SCHIP1: variants seen among roughly 807,000 people sequenced by gnomAD.
SCHIP1 encodes the protein schwannomin-interacting protein 1.
Under a neutral mutation model 29.7 loss-of-function variants are expected in SCHIP1, and 8 were observed. The observed-to-expected ratio is 0.27, with a 90% confidence interval of 0.16 to 0.49. The LOEUF (loss-of-function observed/expected upper bound fraction) is 0.49, where lower values mean the gene tolerates loss of function less well. Ranked by LOEUF, SCHIP1 falls within the 20% of genes least tolerant of loss-of-function variation. SCHIP1 has a pLI of 0.99. For synonymous variants in SCHIP1, 76 were observed against 94.9 expected (o/e 0.80, Z 1.16); for missense variants, 193 against 294.6 (o/e 0.66, Z 2.52).
the SCHIP1 span, among the ~76,000 whole-genome samples, chr3:159,631,468 A>G: frequency 0.011 from 1,713 of 152,356 alleles, 16 homozygotes; most frequent in Non-Finnish European, 0.018. Flanking sequence ...AAGTAAATAC[A>G]TACAATAAAA....
the SCHIP1 span, among the ~76,000 whole-genome samples, chr3:159,452,842 T>C: frequency 1.3e-5 from 2 of 151,464 alleles, no homozygotes; most frequent in South Asian, 2.1e-4. Context: ...ATTTCTTTTA[T>C]AACAGATCTT....
the SCHIP1 span, among the ~76,000 whole-genome samples, chr3:159,428,782 A>T: frequency 1.3e-5 from 2 of 152,186 alleles, no homozygotes; most frequent in East Asian, 3.9e-4. Context: ...AATAGCAAAG[A>T]CTTGGAACCA....
chr3:159,886,213 G>A (rs756815229), exon 3 of SCHIP1: 1 of 1,614,184 alleles, frequency 6.2e-7, no homozygotes, highest in East Asian at 2.2e-5. Flanking sequence ...CCAGACTGCA[G>A]AGTGGGATGA....
chr3:159,675,596 G>A, the SCHIP1 span, among the ~76,000 whole-genome samples: 2 of 152,216 alleles, frequency 1.3e-5, no homozygotes, highest in Non-Finnish European at 2.9e-5. Context: ...TGCACAAAGT[G>A]TTTAGAGAGA....
At chr3:159,606,849 C>A in the SCHIP1 span, among the ~76,000 whole-genome samples, 1 of 152,210 alleles carries the variant, frequency 6.6e-6, no homozygotes, top group Non-Finnish European at 1.5e-5. Flanking sequence ...CTGAATCCAA[C>A]TGGAAGCCAG....
chr3:159,624,056 C>T, the SCHIP1 span, among the ~76,000 whole-genome samples: 7 of 152,124 alleles, frequency 4.6e-5, no homozygotes, highest in Non-Finnish European at 1.0e-4. Context: ...GTTACTATTT[C>T]ATATGGCAAA....
the SCHIP1 span, among the ~76,000 whole-genome samples, chr3:159,308,815 T>C: frequency 2.0e-4 from 31 of 152,274 alleles, 1 homozygote; most frequent in South Asian, 1.7e-3. Flanking sequence ...ATATACACCA[T>C]GGAATACTAT....
chr3:159,416,953 C>A, the SCHIP1 span, among the ~76,000 whole-genome samples: 1 of 152,164 alleles, frequency 6.6e-6, no homozygotes, highest in African/African-American at 2.4e-5. Context: ...CAATGTGGAT[C>A]CCTGACAGAA....
the SCHIP1 span, among the ~76,000 whole-genome samples, chr3:159,370,742 T>A: frequency 6.6e-6 from 1 of 152,200 alleles, no homozygotes; most frequent in African/African-American, 2.4e-5. Context: ...CTTCTCCTGC[T>A]ATCTGACATG....
At chr3:159,620,896 C>T in the SCHIP1 span, among the ~76,000 whole-genome samples, 4 of 152,180 alleles carry the variant, frequency 2.6e-5, no homozygotes, top group African/African-American at 9.7e-5. Flanking sequence ...CATGGCATCC[C>T]TTAAACTACC....
the SCHIP1 span, among the ~76,000 whole-genome samples, chr3:159,497,254 A>T: frequency 3.7e-4 from 57 of 152,162 alleles, no homozygotes; most frequent in African/African-American, 1.3e-3. Context: ...ATAATAATAA[A>T]AAAAAAAGAC....
chr3:159,359,336 G>C, the SCHIP1 span, among the ~76,000 whole-genome samples: 2 of 152,118 alleles, frequency 1.3e-5, no homozygotes, highest in African/African-American at 4.8e-5. Flanking sequence ...AAGAAGTGAG[G>C]ATTACTGACC....
chr3:159,716,684 G>T, the SCHIP1 span, among the ~76,000 whole-genome samples: 2 of 152,142 alleles, frequency 1.3e-5, no homozygotes, highest in African/African-American at 4.8e-5. Flanking sequence ...AACAAGAAGC[G>T]CTAACTATCC....
upstream of SCHIP1, among the ~76,000 whole-genome samples, chr3:159,835,857 A>C (rs1356215059): frequency 1.3e-5 from 2 of 152,024 alleles, no homozygotes; most frequent in Admixed American, 1.3e-4. Flanking sequence ...TTTATTGTCC[A>C]AAACCCCCTT....
chr3:159,784,503 A>C, the SCHIP1 span, among the ~76,000 whole-genome samples: 5 of 152,266 alleles, frequency 3.3e-5, no homozygotes, highest in African/African-American at 1.2e-4. Context: ...TCATTAGAAT[A>C]GCTATGTGCT....
chr3:159,696,619 A>G, the SCHIP1 span, among the ~76,000 whole-genome samples: 1 of 152,194 alleles, frequency 6.6e-6, no homozygotes, highest in Non-Finnish European at 1.5e-5. Flanking sequence ...AACTTAGACA[A>G]GTTTTCTACT....
At chr3:159,872,771 C>T (rs1231485067) in intron 2 of SCHIP1, among the ~76,000 whole-genome samples, 1 of 152,176 alleles carries the variant, frequency 6.6e-6, no homozygotes, top group Non-Finnish European at 1.5e-5. Context: ...GACTGTCATC[C>T]TCCTCATCAG....
At chr3:159,536,010 A>G in the SCHIP1 span, among the ~76,000 whole-genome samples, 2 of 152,186 alleles carry the variant, frequency 1.3e-5, no homozygotes, top group East Asian at 3.9e-4. Context: ...TTAAAATTAA[A>G]TCATTTAAAG....
the SCHIP1 span, among the ~76,000 whole-genome samples, chr3:159,728,370 G>A: frequency 2.1e-4 from 32 of 152,280 alleles, no homozygotes; most frequent in Admixed American, 4.6e-4. Flanking sequence ...AAGGAGGATG[G>A]AGAATGAGGC....
Sources: gnomAD v4.1 joint callset for allele counts (sites outside exome capture counted in the v4.1 genomes callset) on GRCh38, gnomAD v4.1.1 for gene constraint, MANE v1.5 for transcripts, NCBI Gene and HGNC (gene_info 2026-07-23, HGNC 2026-07-21) for gene names.